The following HCN1 variants were observed in gnomAD, a reference collection of about 807,000 sequenced individuals.
HCN1 encodes potassium/sodium hyperpolarization-activated cyclic nucleotide-gated channel 1.
A neutral mutation model predicts 78.9 loss-of-function variants in HCN1; 13 were observed. That is an observed-to-expected ratio of 0.16 (90% CI 0.11 to 0.26). The LOEUF is 0.26. Ranked by LOEUF, HCN1 falls within the 10% of genes least tolerant of loss-of-function variation. The probability of loss-of-function intolerance (pLI) is 1.00; values close to 1 mark genes in which losing one functional copy is unlikely to be tolerated. For missense variants in HCN1, 810 were observed against 1,154.3 expected, an observed-to-expected ratio of 0.70 and a Z score of 4.32; for synonymous variants, 552 against 455.5, an observed-to-expected ratio of 1.21 and a Z score of -2.70.
chr5:45,348,205 C>T (rs573527140), intron 5 of HCN1, among the ~76,000 whole-genome samples: 1 of 152,126 alleles, frequency 6.6e-6, no homozygotes, highest in South Asian at 2.1e-4. Context: ...AGTGGGGGGC[C>T]AGTATTCAAA....
intron 2 of HCN1, among the ~76,000 whole-genome samples, chr5:45,544,007 TATGGCTAC>T (rs1229670893): frequency 1.3e-5 from 2 of 152,038 alleles, no homozygotes; most frequent in East Asian, 3.9e-4. Flanking sequence ...ATTAAATATG[TATGGCTAC>T]ATTTTCTGAC....
intron 2 of HCN1, among the ~76,000 whole-genome samples, chr5:45,491,902 C>T (rs921318898): frequency 6.6e-6 from 1 of 151,982 alleles, no homozygotes; most frequent in Non-Finnish European, 1.5e-5. Flanking sequence ...TGGTGTATTC[C>T]TAAATGATTA....
chr5:45,627,579 G>A (rs1745193749), intron 2 of HCN1, among the ~76,000 whole-genome samples: 2 of 152,116 alleles, frequency 1.3e-5, no homozygotes, highest in Non-Finnish European at 2.9e-5. Context: ...AATAACAGTA[G>A]ATGGCAAATT....
At chr5:45,295,407 G>A (rs187921526) in intron 6 of HCN1, among the ~76,000 whole-genome samples, 1 of 151,882 alleles carries the variant, frequency 6.6e-6, no homozygotes, top group Non-Finnish European at 1.5e-5. Flanking sequence ...TTATGAATGT[G>A]TCTCACACTT....
intron 2 of HCN1, among the ~76,000 whole-genome samples, chr5:45,548,624 T>C (rs1213729778): frequency 1.3e-5 from 2 of 152,038 alleles, no homozygotes; most frequent in Non-Finnish European, 2.9e-5. Context: ...CTATTCAACA[T>C]AGTGTTGGAA....
rs1014020605 is a variant in HCN1 at position 45,385,996 on chromosome 5, T to A, written c.1230+10496A>T. Reference sequence around the variant, plus strand: ...TTGTAATAAAAATACATTTTATGAATTGACCACATTTTAGTGGAGCTGGAC... The same window carrying A: ...TTGTAATAAAAATACATTTTATGAAATGACCACATTTTAGTGGAGCTGGAC... On this transcript the variant is annotated intron_variant, in intron 4 of 7. Coordinates refer to ENST00000303230, the MANE Select transcript of HCN1 (RefSeq NM_021072.4). Among the ~76,000 whole-genome samples, 6 of 152,146 alleles carry A rather than the reference T, an allele frequency of 3.9e-5. No homozygotes were observed. In the South Asian group the frequency reaches 1.0e-3, roughly 26 times the overall value.
chr5:45,525,169 C>T (rs1255565670), intron 2 of HCN1, among the ~76,000 whole-genome samples: 2 of 151,988 alleles, frequency 1.3e-5, no homozygotes, highest in African/African-American at 2.4e-5. Context: ...TATTGATTTG[C>T]GTACATTGAA....
chr5:45,419,829 A>G (rs1057329999), intron 3 of HCN1, among the ~76,000 whole-genome samples: 2 of 152,158 alleles, frequency 1.3e-5, no homozygotes, highest in African/African-American at 4.8e-5. Flanking sequence ...TGTTACTACT[A>G]TTCCTGGGGT....
At chr5:45,591,872 TTATCTAGGTTTTCTCC>T (rs1744371759) in intron 2 of HCN1, among the ~76,000 whole-genome samples, 1 of 152,190 alleles carries the variant, frequency 6.6e-6, no homozygotes, top group Non-Finnish European at 1.5e-5. Context: ...GAATCCAAGA[TTATCTAGGTTTTCTCC>T]TATGTTTTCT....
At chr5:45,302,678 G>C (rs904772070) in intron 6 of HCN1, among the ~76,000 whole-genome samples, 22 of 151,582 alleles carry the variant, frequency 1.5e-4, no homozygotes, top group Non-Finnish European at 2.9e-4. Flanking sequence ...TGGTTTGGCT[G>C]TGTCCCCATT....
intron 2 of HCN1, among the ~76,000 whole-genome samples, chr5:45,585,809 G>C (rs1447828768): frequency 1.3e-5 from 2 of 152,134 alleles, no homozygotes; most frequent in African/African-American, 4.8e-5. Flanking sequence ...CTGTTTGCCT[G>C]GGTATCAGCA....
In HCN1 at chr5:45,560,846, G is replaced by A. The variant is rs369356308; in HGVS notation, c.849+84339C>T. 1.8e-3 allele frequency among the ~76,000 whole-genome samples: 269 copies of A among 151,918 alleles called. 1 individual carries two copies. The highest frequency in any genetic ancestry group is 6.2e-3 in the African/African-American group (258 of 41,468). ...TATTTTCTTTAAAGATTCATTTTCT[G>A]GTTCGTAAATACGACACTGCTTAAA... On this transcript the variant is annotated intron_variant, in intron 2 of 7. Transcript: ENST00000303230.
intron 2 of HCN1, among the ~76,000 whole-genome samples, chr5:45,560,504 A>G (rs1433803038): frequency 6.6e-6 from 1 of 152,042 alleles, no homozygotes; most frequent in African/African-American, 2.4e-5. Context: ...TTTGTTAAAA[A>G]TGGGACAATT....
At position 45,516,922 on chromosome 5, in the gene HCN1, T is replaced by TA. The variant is rs375654945; in HGVS notation, c.850-54916dup. ...TAACTTATTAGTTATCTCATTGAAG[T>TA]AAAAAAAATTCTTCTGCTAAGTTTC... On this transcript the variant is annotated intron_variant, in intron 2 of 7. Transcript: ENST00000303230. Among the ~76,000 whole-genome samples the TA allele has an allele frequency of 7.3e-3, 1,103 of 151,918 alleles. 12 individuals are homozygous for TA. The highest frequency in any genetic ancestry group is 0.025 in the African/African-American group (1,052 of 41,474).
chr5:45,494,551 G>GATGTT, intron 2 of HCN1, among the ~76,000 whole-genome samples: 4 of 151,834 alleles, frequency 2.6e-5, no homozygotes, highest in Non-Finnish European at 5.9e-5. Context: ...TTTGTGGGTT[G>GATGTT]CCTGTTCACT....
At chr5:45,352,809 T>A (rs1304241184) in intron 5 of HCN1, among the ~76,000 whole-genome samples, 1 of 151,572 alleles carries the variant, frequency 6.6e-6, no homozygotes, top group African/African-American at 2.4e-5. Flanking sequence ...TTGATAAGAA[T>A]GAGGGGGAGA....
At chr5:45,408,533 T>C (rs1427607185) in intron 3 of HCN1, among the ~76,000 whole-genome samples, 1 of 152,128 alleles carries the variant, frequency 6.6e-6, no homozygotes, top group Non-Finnish European at 1.5e-5. Flanking sequence ...CTATATCGTC[T>C]AGGTTTGTGT....
chr5:45,575,549 C>T (rs1743924170), intron 2 of HCN1: 1 of 152,008 alleles, frequency 6.6e-6, no homozygotes, highest in Non-Finnish European at 1.5e-5. Flanking sequence ...ACGTTGCGCA[C>T]ATGTACCCTA....
chr5:45,451,188 C>G (rs1261766613), intron 3 of HCN1, among the ~76,000 whole-genome samples: 1 of 152,046 alleles, frequency 6.6e-6, no homozygotes. Context: ...TAAACTGTCT[C>G]TACATCTCTC....
Sources: gnomAD v4.1 joint callset for allele counts (sites outside exome capture counted in the v4.1 genomes callset) on GRCh38, gnomAD v4.1.1 for gene constraint, MANE v1.5 for transcripts, NCBI Gene and HGNC (gene_info 2026-07-23, HGNC 2026-07-21) for gene names.